The following ERGIC1 variants were observed in gnomAD, a reference collection of about 807,000 sequenced individuals.
The protein encoded by ERGIC1 is endoplasmic reticulum-golgi intermediate compartment 1.
In ERGIC1, 19 loss-of-function variants were observed where a neutral mutation model predicts 38.3. The observed-to-expected ratio is 0.50, with a 90% CI of 0.35 to 0.73. The LOEUF (loss-of-function observed/expected upper bound fraction) is 0.73, where lower values mean the gene tolerates loss of function less well. Ranked by LOEUF, ERGIC1 falls within the 30% of genes least tolerant of loss-of-function variation. The pLI is 0.01. For synonymous variants in ERGIC1, 124 were observed against 157.6 expected, an observed-to-expected ratio of 0.79 and a Z score of 1.60; for missense variants, 294 against 389.2, an observed-to-expected ratio of 0.76 and a Z score of 2.06.
intron 1 of ERGIC1, among the ~76,000 whole-genome samples, chr5:172,873,477 A>G (rs1232259115): frequency 6.6e-6 from 1 of 152,206 alleles, no homozygotes; most frequent in Non-Finnish European, 1.5e-5. Flanking sequence ...ACACAGCACC[A>G]CAGTTCCTTA....
chr5:172,903,203 G>A (rs1581558456), intron 3 of ERGIC1, among the ~76,000 whole-genome samples: 2 of 152,292 alleles, frequency 1.3e-5, no homozygotes, highest in East Asian at 1.9e-4. Context: ...GTGAGCACAC[G>A]CTCTGTGCTG....
chr5:172,941,671 A>G (rs476290), intron 9 of ERGIC1, among the ~76,000 whole-genome samples: 114,698 of 152,206 alleles, frequency 0.75, 44,079 homozygotes, highest in African/African-American at 0.87. Flanking sequence ...TTTCATCCTG[A>G]GAATCAGGAA....
intron 1 of ERGIC1, among the ~76,000 whole-genome samples, chr5:172,848,054 A>G (rs752449963): frequency 1.4e-4 from 21 of 152,368 alleles, no homozygotes; most frequent in South Asian, 8.3e-4. Flanking sequence ...TGTTGAAGAC[A>G]TAGTAGTGCC....
In ERGIC1 at chr5:172,951,151, A is replaced by G. The variant is rs988247201; in HGVS notation, c.*335A>G. 2.5e-5 allele frequency: 5 copies of G among 201,756 alleles called. No individual in the cohort carries two copies. The highest frequency in any genetic ancestry group is 1.8e-4 in the Admixed American group (3 of 16,664). 12.5% of individuals were successfully genotyped at this position (201,756 alleles called of 1,614,324 possible). A position where few individuals can be genotyped will look rare whatever the true frequency, so the allele number is the denominator to read the frequency against. On this transcript the variant is annotated 3_prime_UTR_variant, in exon 10 of 10. Transcript: ENST00000393784. ...CCCTCAGGGGAACATCCCAGAATGCATATCGATCAGCTCTCAGCCAGGCTT... is the reference window on the plus strand; with the variant it reads ...CCCTCAGGGGAACATCCCAGAATGCGTATCGATCAGCTCTCAGCCAGGCTT...
intron 4 of ERGIC1, among the ~76,000 whole-genome samples, chr5:172,913,663 A>G (rs1274318466): frequency 6.6e-6 from 1 of 152,064 alleles, no homozygotes. Flanking sequence ...GGAAATTCCT[A>G]CATTTCCATA....
At chr5:172,871,326 C>T (rs74897974) in intron 1 of ERGIC1, among the ~76,000 whole-genome samples, 2 of 152,184 alleles carry the variant, frequency 1.3e-5, no homozygotes, top group African/African-American at 2.4e-5. Flanking sequence ...CTCCCTGCCT[C>T]GAGGCCTTTG....
chr5:172,902,115 C>A (rs1015513996), intron 3 of ERGIC1, among the ~76,000 whole-genome samples: 3 of 152,232 alleles, frequency 2.0e-5, no homozygotes, highest in Admixed American at 6.5e-5. Context: ...TCCCTGGCCC[C>A]AGCATTTCAG....
At chr5:172,893,927 G>GTATATATATATA (rs1354479966) in intron 2 of ERGIC1, among the ~76,000 whole-genome samples, 2 of 56,566 alleles carry the variant, frequency 3.5e-5, no homozygotes, top group Non-Finnish European at 6.9e-5. Flanking sequence ...GTGTGTGTGT[G>GTATATATATATA]TGTGTGTGTA....
chr5:172,894,895 CAGAT>C (rs1300097951), intron 2 of ERGIC1, among the ~76,000 whole-genome samples: 1 of 152,244 alleles, frequency 6.6e-6, no homozygotes, highest in Non-Finnish European at 1.5e-5. Context: ...GTTTTGAAGA[CAGAT>C]AGATGGCTAT....
intron 1 of ERGIC1, among the ~76,000 whole-genome samples, chr5:172,851,384 C>T (rs1305331002): frequency 6.7e-6 from 1 of 148,194 alleles, no homozygotes; most frequent in Non-Finnish European, 1.5e-5. Flanking sequence ...TGGCATGCAC[C>T]AGTAGTCCCA....
At chr5:172,903,905 C>T (rs1762951248) in intron 3 of ERGIC1, among the ~76,000 whole-genome samples, 1 of 151,336 alleles carries the variant, frequency 6.6e-6, no homozygotes, top group Non-Finnish European at 1.5e-5. Flanking sequence ...CCCTGCACTG[C>T]TGTATTTTCT....
At chr5:172,888,367 C>T (rs1470238104) in intron 1 of ERGIC1, among the ~76,000 whole-genome samples, 1 of 151,652 alleles carries the variant, frequency 6.6e-6, no homozygotes, top group African/African-American at 2.4e-5. Context: ...GGCTGAGACA[C>T]GAGACTCACT....
chr5:172,890,218 A>G (rs1226326161), intron 2 of ERGIC1, among the ~76,000 whole-genome samples: 1 of 152,178 alleles, frequency 6.6e-6, no homozygotes, highest in Non-Finnish European at 1.5e-5. Context: ...CAGTCTAATC[A>G]TAGGAAAACT....
At chr5:172,853,795 C>T (rs1463616785) in intron 1 of ERGIC1, among the ~76,000 whole-genome samples, 2 of 152,230 alleles carry the variant, frequency 1.3e-5, no homozygotes, top group Non-Finnish European at 2.9e-5. Flanking sequence ...TCCTGGGCTT[C>T]CTTCAGCTTT....
chr5:172,863,126 T>G (rs1761761136), intron 1 of ERGIC1, among the ~76,000 whole-genome samples: 1 of 152,234 alleles, frequency 6.6e-6, no homozygotes, highest in Non-Finnish European at 1.5e-5. Context: ...AATTTTTGTA[T>G]TTTTAGTAGA....
At chr5:172,847,035 C>T (rs1052627166) in intron 1 of ERGIC1, among the ~76,000 whole-genome samples, 1 of 152,172 alleles carries the variant, frequency 6.6e-6, no homozygotes, top group Non-Finnish European at 1.5e-5. Context: ...TAATGCAACA[C>T]ACGTTTATTT....
chr5:172,940,994 T>G (rs1763998276), intron 9 of ERGIC1, among the ~76,000 whole-genome samples: 1 of 152,188 alleles, frequency 6.6e-6, no homozygotes, highest in African/African-American at 2.4e-5. Context: ...TGATCATATT[T>G]TCAGCTGGGC....
intron 9 of ERGIC1, among the ~76,000 whole-genome samples, chr5:172,948,649 C>A (rs1030150460): frequency 5.9e-5 from 9 of 152,324 alleles, no homozygotes; most frequent in African/African-American, 1.2e-4. Context: ...CCTTCATGGG[C>A]TGTAGGGCTC....
chr5:172,948,172 C>A (rs1470367943), intron 9 of ERGIC1, among the ~76,000 whole-genome samples: 1 of 152,148 alleles, frequency 6.6e-6, no homozygotes, highest in Non-Finnish European at 1.5e-5. Context: ...CCTGGGGGGC[C>A]GCTCCGGTTT....
Sources: allele counts gnomAD v4.1 joint callset (sites outside exome capture counted in the v4.1 genomes callset), GRCh38; gene constraint gnomAD v4.1.1; transcripts MANE v1.5; gene names NCBI Gene and HGNC (gene_info 2026-07-23, HGNC 2026-07-21).